The following C1orf21 variants were observed in gnomAD, a reference collection of about 807,000 sequenced individuals.
The protein encoded by C1orf21 is chromosome 1 open reading frame 21.
In C1orf21, 3 loss-of-function variants were observed where a neutral mutation model predicts 18.7. The observed-to-expected ratio is 0.16, with a 90% CI of 0.07 to 0.42. C1orf21 has a LOEUF of 0.42. Ranked by LOEUF, C1orf21 falls within the 10% of genes least tolerant of loss-of-function variation. The pLI, the probability that C1orf21 is intolerant of heterozygous loss-of-function variation, is 0.99. For missense variants in C1orf21, 104 were observed against 143.6 expected, an observed-to-expected ratio of 0.72 and a Z score of 1.41; for synonymous variants, 41 against 46.4, an observed-to-expected ratio of 0.88 and a Z score of 0.47.
chr1:184,503,026 C>T (rs1031469767), intron 2 of C1orf21, among the ~76,000 whole-genome samples: 6 of 137,500 alleles, frequency 4.4e-5, no homozygotes, highest in African/African-American at 1.7e-4. Flanking sequence ...TGCAGTGAGC[C>T]GTGATCATGC....
intron 1 of C1orf21, among the ~76,000 whole-genome samples, chr1:184,395,791 A>G (rs544831668): frequency 6.6e-6 from 1 of 152,302 alleles, no homozygotes; most frequent in Non-Finnish European, 1.5e-5. Context: ...CAGTTTGGAC[A>G]ATAAATGATG....
intron 2 of C1orf21, among the ~76,000 whole-genome samples, chr1:184,492,066 C>A (rs1657824301): frequency 2.0e-5 from 3 of 152,196 alleles, no homozygotes; most frequent in African/African-American, 7.2e-5. Context: ...CTACTGTAAG[C>A]AAACCTTCAC....
intron 5 of C1orf21, among the ~76,000 whole-genome samples, chr1:184,612,205 C>G (rs1659746261): frequency 6.6e-6 from 1 of 152,188 alleles, no homozygotes; most frequent in Non-Finnish European, 1.5e-5. Context: ...CAGCTAGTCA[C>G]CAAGCCAACA....
At chr1:184,598,591 T>TG (rs1659548259) in intron 5 of C1orf21, 130 bp downstream of exon 5, 2 of 866,564 alleles carry the variant, frequency 2.3e-6, no homozygotes, top group African/African-American at 3.4e-5. Context: ...GAGAGTTAAA[T>TG]AAAAGTCACC....
intron 1 of C1orf21, among the ~76,000 whole-genome samples, chr1:184,413,313 G>A (rs965915435): frequency 2.0e-5 from 3 of 152,272 alleles, no homozygotes; most frequent in East Asian, 3.9e-4. Context: ...CAAACCTAGA[G>A]GTGAAGCTCA....
intron 2 of C1orf21, among the ~76,000 whole-genome samples, chr1:184,499,657 G>A (rs1282459987): frequency 6.6e-6 from 1 of 150,856 alleles, no homozygotes; most frequent in Non-Finnish European, 1.5e-5. Flanking sequence ...ATTACTTCTT[G>A]TGCTTTGTGG....
intron 1 of C1orf21, among the ~76,000 whole-genome samples, chr1:184,426,434 T>C (rs1218186576): frequency 1.3e-5 from 2 of 152,114 alleles, no homozygotes. Flanking sequence ...ACCCCATTGG[T>C]GTCAGAGGAG....
At chr1:184,617,904 G>GTTTTTTT (rs142357373) in intron 5 of C1orf21, among the ~76,000 whole-genome samples, 7 of 87,494 alleles carry the variant, frequency 8.0e-5, no homozygotes, top group African/African-American at 8.4e-5. Context: ...TGTTGTTGTT[G>GTTTTTTT]TTTTTTTTTT....
chr1:184,468,465 G>A (rs1286844233), intron 1 of C1orf21, among the ~76,000 whole-genome samples: 3 of 151,962 alleles, frequency 2.0e-5, no homozygotes, highest in African/African-American at 7.3e-5. Context: ...AAATTTTAAG[G>A]GAAACAGTTT....
At chr1:184,478,974 CATTGT>C (rs55775493) in intron 2 of C1orf21, among the ~76,000 whole-genome samples, 63,515 of 151,608 alleles carry the variant, frequency 0.42, 13,455 homozygotes, top group Admixed American at 0.48. Flanking sequence ...GCTTTTGGTT[CATTGT>C]AATGATTGTT....
At chr1:184,463,634 T>C (rs1657341979) in intron 1 of C1orf21, among the ~76,000 whole-genome samples, 1 of 152,238 alleles carries the variant, frequency 6.6e-6, no homozygotes, top group Non-Finnish European at 1.5e-5. Flanking sequence ...TGACTTGCCT[T>C]AAAAATTTAT....
In C1orf21 at chr1:184,574,895, G is replaced by A. The variant is rs370105484; in HGVS notation, c.190-15844G>A. 1.4e-4 allele frequency among the ~76,000 whole-genome samples: 22 copies of A among 152,304 alleles called. No individual in the cohort carries two copies. The East Asian group carries it at 2.5e-3, about 17-fold the overall frequency. ...GAGGGCCCAGTCCTGTCACTATCCC[G>A]CATCCACAGGACGAGCTCAGCTCGG... On this transcript the variant is annotated intron_variant, in intron 3 of 5. Transcript: ENST00000235307.
chr1:184,599,791 A>C (rs997297920), intron 5 of C1orf21, among the ~76,000 whole-genome samples: 1 of 152,184 alleles, frequency 6.6e-6, no homozygotes, highest in Admixed American at 6.5e-5. Context: ...TCGAAATCCA[A>C]AATGCTCCAA....
chr1:184,577,112 A>G (rs998824927), intron 3 of C1orf21, among the ~76,000 whole-genome samples: 1 of 151,608 alleles, frequency 6.6e-6, no homozygotes, highest in Non-Finnish European at 1.5e-5. Context: ...ATTATGTTAC[A>G]TGGTAAAAGA....
intron 1 of C1orf21, among the ~76,000 whole-genome samples, chr1:184,432,670 AAAAAG>A (rs954497023): frequency 2.6e-5 from 4 of 152,104 alleles, no homozygotes; most frequent in African/African-American, 9.7e-5. Flanking sequence ...AGTATTAAAA[AAAAAG>A]AAAAGAAAAA....
At chr1:184,522,179 A>G (rs1260396330) in intron 3 of C1orf21, among the ~76,000 whole-genome samples, 1 of 152,212 alleles carries the variant, frequency 6.6e-6, no homozygotes, top group African/African-American at 2.4e-5. Context: ...ATACAGATGG[A>G]AACATGGAAA....
chr1:184,410,636 TA>T lies in C1orf21; in HGVS notation c.-125+23269del, dbSNP rs1399523242. On this transcript the variant is annotated intron_variant, in intron 1 of 5. Transcript: ENST00000235307. ...TATATATTATATATATATATATATA[TA>T]TATATATATATATATATATATATAT... Among the ~76,000 whole-genome samples, 24 of 3,866 alleles carry T rather than the reference TA, an allele frequency of 6.2e-3. 2 individuals are homozygous for T. The highest frequency in any genetic ancestry group is 8.3e-3 in the Non-Finnish European group (22 of 2,644). The allele number at this position is 3,866 out of a possible 152,430, so 2.5% of individuals were successfully genotyped here.
At chr1:184,615,263 G>C (rs1016112797) in intron 5 of C1orf21, among the ~76,000 whole-genome samples, 3 of 152,212 alleles carry the variant, frequency 2.0e-5, no homozygotes, top group Non-Finnish European at 4.4e-5. Context: ...TCTACACAGA[G>C]TAGGGTGTGG....
intron 1 of C1orf21, among the ~76,000 whole-genome samples, chr1:184,448,974 A>G (rs924295894): frequency 1.3e-5 from 2 of 152,204 alleles, no homozygotes; most frequent in African/African-American, 4.8e-5. Context: ...TTTTTAAATG[A>G]ATTAAGGTGA....
Sources: gnomAD v4.1 joint callset for allele counts (sites outside exome capture counted in the v4.1 genomes callset) on GRCh38, gnomAD v4.1.1 for gene constraint, MANE v1.5 for transcripts, NCBI Gene and HGNC (gene_info 2026-07-23, HGNC 2026-07-21) for gene names.